ACSL1: variants seen among roughly 807,000 people sequenced by gnomAD.
The protein encoded by ACSL1 is acyl-CoA synthetase long chain family member 1, also known as long-chain-fatty-acid--CoA ligase 1.
A neutral mutation model predicts 98.4 loss-of-function variants in ACSL1; 41 were observed. The observed-to-expected ratio is 0.42, with a 90% CI of 0.32 to 0.54. The LOEUF (loss-of-function observed/expected upper bound fraction) is 0.54. Ranked by LOEUF, ACSL1 falls within the 20% of genes least tolerant of loss-of-function variation. The pLI, the probability that ACSL1 is intolerant of heterozygous loss-of-function variation, is 0.13. For synonymous variants in ACSL1, 316 were observed against 322.7 expected (o/e 0.98, Z 0.22); for missense variants, 734 against 883.1 (o/e 0.83, Z 2.14).
chr4:184,788,781 C>T (rs769099355), intron 2 of ACSL1, 50 bp from the exon 3 acceptor site: 4 of 1,441,772 alleles, frequency 2.8e-6, no homozygotes, highest in Non-Finnish European at 3.9e-6. Flanking sequence ...AACATCTATG[C>T]ACTGTGGAAT....
rs544413098 is a variant in ACSL1, at chr4:184,808,088, C to A, written c.-32-4542G>T. Among the ~76,000 whole-genome samples the A allele has an allele frequency of 3.9e-5, 6 of 152,338 alleles. No individual in the cohort carries two copies. In the East Asian group the frequency reaches 1.2e-3, roughly 29 times the overall value. ...ACAAAAACGTTAGCATTTATTGTAT[C>A]ACCCTGGCCTCTGAACACGTGGTGA... On this transcript the variant is annotated intron_variant, in intron 1 of 20. Coordinates refer to ENST00000281455, the MANE Select transcript of ACSL1 (RefSeq NM_001995.5).
Position 184,787,818 on chromosome 4 carries a change from C to A in ACSL1, c.310+799G>T, listed in dbSNP as rs1767657765. ...GGTGTAGGCTGCGGTGAGCCAAGATCATGCCATTGCACTCCAGCCTGGGCA... is the reference window on the plus strand; with the variant it reads ...GGTGTAGGCTGCGGTGAGCCAAGATAATGCCATTGCACTCCAGCCTGGGCA... On this transcript the variant is annotated intron_variant, in intron 3 of 20. Coordinates refer to ENST00000281455, the MANE Select transcript of ACSL1 (RefSeq NM_001995.5). Among the ~76,000 whole-genome samples the A allele has an allele frequency of 1.3e-5, 2 of 148,518 alleles. 1 individual carries two copies. Among genetic ancestry groups the A allele is most frequent in the South Asian group, 4.3e-4 (2 of 4,666 alleles).
Position 184,781,454 on chromosome 4 carries a change from T to A in ACSL1, c.376-1021A>T, listed in dbSNP as rs376445776. 3.9e-5 allele frequency among the ~76,000 whole-genome samples: 6 copies of A among 151,990 alleles called. No homozygotes were observed. The East Asian group carries it at 1.2e-3, about 29-fold the overall frequency. On this transcript the variant is annotated intron_variant, in intron 4 of 20. Transcript: ENST00000281455. ...TAAGCAACACATGTAAATATAAAAA[T>A]GCATATTATAATAACTAAGTAAAAA...
intron 18 of ACSL1, among the ~76,000 whole-genome samples, chr4:184,759,506 A>G (rs1323527645): frequency 6.6e-6 from 1 of 152,226 alleles, no homozygotes; most frequent in East Asian, 1.9e-4. Context: ...AAACAACCCC[A>G]TCAAAAAGTG....
At chr4:184,826,316 C>A (rs182719541), upstream of ACSL1, among the ~76,000 whole-genome samples, 14 of 152,270 alleles carry the variant, frequency 9.2e-5, no homozygotes, top group East Asian at 2.7e-3. Flanking sequence ...AGCTCAGAGG[C>A]CCCGCGGACC....
At chr4:184,759,718 G>A (rs946822563) in intron 18 of ACSL1, among the ~76,000 whole-genome samples, 9 of 152,074 alleles carry the variant, frequency 5.9e-5, no homozygotes, top group Admixed American at 2.0e-4. Context: ...AAATAGGAAC[G>A]CTTTTACACT....
chr4:184,759,278 G>T (rs1762551976), intron 18 of ACSL1, among the ~76,000 whole-genome samples: 1 of 152,168 alleles, frequency 6.6e-6, no homozygotes, highest in Admixed American at 6.5e-5. Flanking sequence ...TAATGGGATT[G>T]CTGGGTCAAA....
chr4:184,766,842 CA>C lies in ACSL1; in HGVS notation c.1129-87del. On this transcript the variant is annotated intron_variant, in intron 12 of 20. Coordinates refer to ENST00000281455, the MANE Select transcript of ACSL1 (RefSeq NM_001995.5). The surrounding 1 kb of genome is among the most constrained non-coding windows in gnomAD (Gnocchi z 4.8). ...GTGGAGAAATCAGAACCCTCACACA[CA>C]GCTGGGGAACACAAAATGGCACAGC... 7.0e-7 allele frequency: 1 copy of C among 1,438,560 alleles called. No individual in the cohort carries two copies. Among genetic ancestry groups the C allele is most frequent in the Non-Finnish European group, 9.4e-7 (1 of 1,064,438 alleles). The allele number at this position is 1,438,560 out of a possible 1,614,324, so 89.1% of individuals were successfully genotyped here.
chr4:184,816,161 T>C (rs35357283), intron 1 of ACSL1, among the ~76,000 whole-genome samples: 2,057 of 150,812 alleles, frequency 0.014, 29 homozygotes, highest in Non-Finnish European at 0.02. Flanking sequence ...TAGAAGATAA[T>C]CACAGGCTAT....
At chr4:184,767,321 C>A (rs891728993) in intron 12 of ACSL1, among the ~76,000 whole-genome samples, 2 of 150,058 alleles carry the variant, frequency 1.3e-5, no homozygotes, top group African/African-American at 4.9e-5. Flanking sequence ...AAATAAAATG[C>A]GTTATACCCA....
At chr4:184,823,088 C>A (rs915788495) in intron 1 of ACSL1, among the ~76,000 whole-genome samples, 11 of 152,244 alleles carry the variant, frequency 7.2e-5, no homozygotes, top group Non-Finnish European at 1.2e-4. Context: ...ACTGAGAATT[C>A]TTCTCCAGGC....
chr4:184,770,250 C>G, intron 11 of ACSL1, 149 bp downstream of exon 11: 2 of 1,540,712 alleles, frequency 1.3e-6, no homozygotes, highest in Non-Finnish European at 1.7e-6. Context: ...GCACGCCACA[C>G]TTACCTTCAA....
chr4:184,813,715 C>A, intron 1 of ACSL1: 1 of 391,982 alleles, frequency 2.6e-6, no homozygotes, highest in South Asian at 1.7e-5. Context: ...CCTTACTGGA[C>A]TCAGCTAACC....
chr4:184,815,986 T>C (rs991442914), intron 1 of ACSL1, among the ~76,000 whole-genome samples: 3 of 151,998 alleles, frequency 2.0e-5, no homozygotes, highest in Admixed American at 6.6e-5. Context: ...CCAGGCGTGA[T>C]GGCACACACC....
At chr4:184,768,241 C>T in intron 12 of ACSL1, 75 bp downstream of exon 12, 1 of 1,491,054 alleles carries the variant, frequency 6.7e-7, no homozygotes, top group South Asian at 1.3e-5. Context: ...TGGCACATGG[C>T]ACAGCCCAAT....
In ACSL1 at chr4:184,825,573, C is replaced by G. The variant is rs1773411293; in HGVS notation, c.-33+343G>C. 6.6e-6 allele frequency among the ~76,000 whole-genome samples: 1 copy of G among 151,428 alleles called. No individual in the cohort carries two copies. The highest frequency in any genetic ancestry group is 6.6e-5 in the Admixed American group (1 of 15,196). ...CTCCTCCCAGCCGAAGCGCGGCCTC[C>G]GGCTGCTTCGCCGGGCCGGTCCCCG... On this transcript the variant is annotated intron_variant, in intron 1 of 20. Coordinates refer to ENST00000281455, the MANE Select transcript of ACSL1 (RefSeq NM_001995.5). This position sits in a 1 kb window ranked among gnomAD's most constrained non-coding sequence, Gnocchi z 4.7.
At chr4:184,762,609 C>T (rs1763015615) in intron 16 of ACSL1, 86 bp from the exon 17 acceptor site, 23 of 1,160,704 alleles carry the variant, frequency 2.0e-5, no homozygotes, top group Non-Finnish European at 2.6e-5. Flanking sequence ...ACGTGTGTGT[C>T]TGCCCCAACC....
At chr4:184,777,104 G>C in intron 5 of ACSL1, 121 bp from the exon 6 acceptor site, 1 of 817,416 alleles carries the variant, frequency 1.2e-6, no homozygotes, top group South Asian at 1.6e-5. Context: ...TAACATCTGT[G>C]TTAGCTACTA....
intron 4 of ACSL1, 108 bp from the exon 5 acceptor site, chr4:184,780,541 G>C (rs1766076700): frequency 1.1e-5 from 8 of 704,144 alleles, no homozygotes; most frequent in South Asian, 1.0e-4. Context: ...GCTGCACACA[G>C]AAACGGAGAG....
Sources: gnomAD v4.1 joint callset for allele counts (sites outside exome capture counted in the v4.1 genomes callset) on GRCh38, gnomAD v4.1.1 for gene constraint, Gnocchi (gnomAD v3.1) non-coding constraint, MANE v1.5 for transcripts, NCBI Gene and HGNC (gene_info 2026-07-23, HGNC 2026-07-21) for gene names.